The following TBCD variants were observed in gnomAD, a reference collection of about 807,000 sequenced individuals.
TBCD encodes the protein tubulin folding cofactor D.
In TBCD, 105 loss-of-function variants were observed where a neutral mutation model predicts 169.3. The observed-to-expected ratio is 0.62, with a 90% CI of 0.53 to 0.73. The LOEUF is 0.73. Ranked by LOEUF, TBCD falls within the 30% of genes least tolerant of loss-of-function variation. The pLI, the probability that TBCD is intolerant of heterozygous loss-of-function variation, is 0.00. For synonymous variants in TBCD, 700 were observed against 643.9 expected (o/e 1.09, Z -1.32); for missense variants, 1,444 against 1,600.1 (o/e 0.90, Z 1.66).
At chr17:82,938,269 C>G (rs898593382) in intron 36 of TBCD, 133 bp downstream of exon 36, 1 of 1,009,018 alleles carries the variant, frequency 9.9e-7, no homozygotes, top group Admixed American at 2.1e-5. Flanking sequence ...GCCTGGGTGA[C>G]GACGCGTCAC....
rs770299355 is a variant in TBCD at position 82,831,672 on chromosome 17, C to A, written c.1318+16738C>A. On this transcript the variant is annotated intron_variant, in intron 13 of 38. Coordinates refer to ENST00000355528, the MANE Select transcript of TBCD (RefSeq NM_005993.5). The surrounding 1 kb of genome is among the most constrained non-coding windows in gnomAD (Gnocchi z 4.6). Reference sequence around the variant, plus strand: ...CGTCACACTCAGGCGAGCTCCCAGCCAGCAGGTAAGGCGAGTAGATGGTGG... The same window carrying A: ...CGTCACACTCAGGCGAGCTCCCAGCAAGCAGGTAAGGCGAGTAGATGGTGG... The A allele has an allele frequency of 2.5e-6, 4 of 1,614,116 alleles. No homozygotes were observed. The South Asian group carries it at 4.4e-5, about 18-fold the overall frequency.
intron 13 of TBCD, among the ~76,000 whole-genome samples, chr17:82,819,063 A>G (rs1444778117): frequency 6.6e-6 from 1 of 152,264 alleles, no homozygotes; most frequent in African/African-American, 2.4e-5. Flanking sequence ...GTCTCAAAAA[A>G]AAGAAAAAAA....
intron 13 of TBCD, among the ~76,000 whole-genome samples, chr17:82,855,453 A>T (rs1057144757): frequency 1.3e-5 from 2 of 151,270 alleles, no homozygotes; most frequent in African/African-American, 4.9e-5. Context: ...TCTTTTGAAG[A>T]GATGGGATCT....
chr17:82,845,109 G>A (rs573183719), intron 13 of TBCD, among the ~76,000 whole-genome samples: 72 of 152,286 alleles, frequency 4.7e-4, no homozygotes, highest in South Asian at 3.7e-3. Flanking sequence ...AGGTGCTGGC[G>A]CCGCGGCCTC....
Position 82,929,425 on chromosome 17 carries a change from C to T in TBCD, c.2916C>T (p.Leu972=). The T allele has an allele frequency of 6.2e-6, 10 of 1,612,688 alleles. No individual in the cohort carries two copies. Among genetic ancestry groups the T allele is most frequent in the Non-Finnish European group, 8.5e-6 (10 of 1,179,890 alleles). ...PSQAFPRITQ[L]LGLPTYRYHV... ...AGGCCTTCCCACGCATCACCCAGCT[C>T]CTTGGGCTGCCCACCTACCGCTACC... The change falls in exon 32 of 39, where the codon CTC becomes CTT. Residue 972 remains leucine, a synonymous_variant. Transcript: ENST00000355528.
chr17:82,895,699 A>T (rs1192233598), intron 17 of TBCD: 1 of 152,176 alleles, frequency 6.6e-6, no homozygotes, highest in Non-Finnish European at 1.5e-5. Context: ...ATCACTCCGC[A>T]GGTGGAGGGC....
chr17:82,938,671 C>T (rs1409915351), intron 36 of TBCD, among the ~76,000 whole-genome samples: 1 of 152,264 alleles, frequency 6.6e-6, no homozygotes, highest in Non-Finnish European at 1.5e-5. Context: ...CGACTCAGCA[C>T]CTCCAGGGTG....
chr17:82,872,146 G>T (rs1261594640), intron 14 of TBCD, among the ~76,000 whole-genome samples: 1 of 152,256 alleles, frequency 6.6e-6, no homozygotes, highest in African/African-American at 2.4e-5. Context: ...AAGCCTGAGA[G>T]GAGCCGAGGG....
intron 30 of TBCD, among the ~76,000 whole-genome samples, chr17:82,928,756 C>T (rs1233067597): frequency 1.3e-5 from 2 of 152,154 alleles, no homozygotes; most frequent in Non-Finnish European, 2.9e-5. Flanking sequence ...CATCCCCGGC[C>T]TCTCTGTCCC....
chr17:82,756,049 G>A (rs908927063), intron 1 of TBCD, 116 bp from the exon 2 acceptor site: 4 of 889,678 alleles, frequency 4.5e-6, no homozygotes, highest in East Asian at 2.7e-5. Context: ...GCTCTTGAGA[G>A]CTGGGGAAGA....
Position 82,805,981 on chromosome 17 carries a change from G to A in TBCD, c.1057G>A (p.Asp353Asn), listed in dbSNP as rs189185507. 342 of 1,613,776 alleles carry A rather than the reference G, an allele frequency of 2.1e-4. 1 individual carries two copies. In the African/African-American group the frequency reaches 3.0e-3, roughly 14 times the overall value. Residue 353 changes from aspartate to asparagine, a missense_variant, in exon 10 of 39, where the codon GAC becomes AAC. Transcript: ENST00000355528. Reference sequence around the variant, plus strand: ...GACCGAAGATGACGACGAAGATGACGACGTCCCAGAGGGGGTGGAGCGTGT... The same window carrying A: ...GACCGAAGATGACGACGAAGATGACAACGTCCCAGAGGGGGTGGAGCGTGT... ...ILTEDDDEDD[D>N]VPEGVERVIE...
chr17:82,902,237 G>A lies in TBCD; in HGVS notation c.1731-1168G>A, dbSNP rs188138163. On this transcript the variant is annotated intron_variant, in intron 18 of 38. Coordinates refer to ENST00000355528, the MANE Select transcript of TBCD (RefSeq NM_005993.5). ...AACTGATGACTGGTGTAGTACCTGAGTTGGCAAGCCTTTTCTTTGAGGGGC... is the reference window on the plus strand; with the variant it reads ...AACTGATGACTGGTGTAGTACCTGAATTGGCAAGCCTTTTCTTTGAGGGGC... Among the ~76,000 whole-genome samples, 12 of 152,336 alleles carry A rather than the reference G, an allele frequency of 7.9e-5. No individual in the cohort carries two copies. The East Asian group carries it at 2.3e-3, about 29-fold the overall frequency.
At chr17:82,861,479 T>C (rs761395586) in intron 13 of TBCD, among the ~76,000 whole-genome samples, 5 of 152,124 alleles carry the variant, frequency 3.3e-5, no homozygotes, top group Non-Finnish European at 5.9e-5. Flanking sequence ...ATAAAATCAA[T>C]GTTTGTTTAT....
chr17:82,871,248 G>A (rs146852042), intron 14 of TBCD, among the ~76,000 whole-genome samples: 7 of 152,322 alleles, frequency 4.6e-5, no homozygotes, highest in Non-Finnish European at 8.8e-5. Context: ...TGTCCCCAGC[G>A]CAGGAAACGA....
chr17:82,945,585 T>C lies in TBCD; in HGVS notation c.*3122T>C, dbSNP rs546386073. On this transcript the variant is annotated 3_prime_UTR_variant, in exon 39 of 39. Transcript: ENST00000355528. The stretch of plus-strand genomic sequence containing the variant: ...ATAACATTAAAGAAGAGAACAAAAT[T>C]AAGTCATTTAGATAAAAATATGCCA... 3 of 152,266 alleles carry C rather than the reference T, an allele frequency of 2.0e-5. No individual in the cohort carries two copies. In the South Asian group the frequency reaches 6.2e-4, roughly 32 times the overall value. 9.4% of individuals were successfully genotyped at this position (152,266 alleles called of 1,614,324 possible).
At chr17:82,772,993 A>G (rs776965377) in intron 6 of TBCD, among the ~76,000 whole-genome samples, 1 of 152,230 alleles carries the variant, frequency 6.6e-6, no homozygotes, top group Non-Finnish European at 1.5e-5. Context: ...GGTGTTGGAA[A>G]GATACCAAGG....
chr17:82,870,056 C>T (rs903614543), intron 13 of TBCD, among the ~76,000 whole-genome samples, 168 bp from the exon 14 acceptor site: 4 of 152,152 alleles, frequency 2.6e-5, no homozygotes, highest in South Asian at 2.1e-4. Flanking sequence ...CTGACCAGGC[C>T]GTGGGTCTAA....
chr17:82,772,906 C>T (rs139014024), intron 6 of TBCD, among the ~76,000 whole-genome samples: 7 of 152,232 alleles, frequency 4.6e-5, no homozygotes, highest in Non-Finnish European at 7.3e-5. Flanking sequence ...AATCCCCCAA[C>T]GTCCTGTATT....
At position 82,789,128 on chromosome 17, in the gene TBCD, C is replaced by G. The variant is rs577946656; in HGVS notation, c.771+7407C>G. ...AGAGCAGTTTGAATGTGGGTACTTT[C>G]CAGAGATCATGCTCCTGTAGCATTT... On this transcript the variant is annotated intron_variant, in intron 7 of 38. Coordinates refer to ENST00000355528, the MANE Select transcript of TBCD (RefSeq NM_005993.5). The surrounding 1 kb of genome is among the most constrained non-coding windows in gnomAD (Gnocchi z 4.8). Among the ~76,000 whole-genome samples, 4 of 152,224 alleles carry G rather than the reference C, an allele frequency of 2.6e-5. No homozygotes were observed. In the East Asian group the frequency reaches 5.8e-4, roughly 22 times the overall value.
Sources: gnomAD v4.1 joint callset for allele counts (sites outside exome capture counted in the v4.1 genomes callset) on GRCh38, gnomAD v4.1.1 for gene constraint, Gnocchi (gnomAD v3.1) non-coding constraint, MANE v1.5 for transcripts, NCBI Gene and HGNC (gene_info 2026-07-23, HGNC 2026-07-21) for gene names.